PPM1G: variants seen among roughly 807,000 people sequenced by gnomAD.
PPM1G encodes protein phosphatase 1G.
PPM1G carries 12 observed loss-of-function variants against 59.4 expected under a neutral mutation model. That is an observed-to-expected ratio of 0.20 (90% CI 0.13 to 0.33). The LOEUF (loss-of-function observed/expected upper bound fraction) is 0.33. PPM1G is among the 10% of genes least tolerant of loss of function. PPM1G has a pLI of 1.00. For missense variants in PPM1G, 392 were observed against 681.3 expected (o/e 0.58, Z 4.73); for synonymous variants, 245 against 251.9 (o/e 0.97, Z 0.26).
intron 1 of PPM1G, among the ~76,000 whole-genome samples, chr2:27,392,092 CA>C (rs76478913): frequency 2.1e-3 from 284 of 135,060 alleles, no homozygotes; most frequent in Middle Eastern, 3.7e-3. Flanking sequence ...CAGCAGTCTG[CA>C]AAAAAAAAAA....
intron 1 of PPM1G, among the ~76,000 whole-genome samples, chr2:27,392,302 T>G (rs12478779): frequency 0.39 from 55,979 of 144,036 alleles, 11,532 homozygotes; most frequent in Admixed American, 0.45. Flanking sequence ...TTTTTTTTTT[T>G]TTTTTTTTGA....
Position 27,385,082 on chromosome 2 carries a change from T to A in PPM1G, c.416A>T (p.Asn139Ile). 6.2e-7 allele frequency: 1 copy of A among 1,601,344 alleles called. No homozygotes were observed. The highest frequency in any genetic ancestry group is 1.1e-5 in the South Asian group (1 of 89,374). The stretch of plus-strand genomic sequence containing the variant: ...TTCATGCAGCAGTGCAGCCTCCTCA[T>A]TGTCCACTGCAGGGAAGAGGCTAAA... Reference protein sequence around the residue: ...EKVADEDDVDNEEAALLHEEA... With the variant: ...EKVADEDDVDIEEAALLHEEA... The change falls in exon 5 of 10, where the codon AAT becomes ATT. Residue 139 changes from asparagine to isoleucine, a missense_variant. Physicochemically the swap from Asn to Ile is moderately radical, Grantham distance 149. Around this residue, in one of 6 missense-constraint regions of PPM1G, gnomAD observed 188 missense variants for 248.8 expected, o/e 0.76. Transcript: ENST00000344034. This position sits in a 1 kb window ranked among gnomAD's most constrained non-coding sequence, Gnocchi z 4.1.
Position 27,383,616 on chromosome 2 carries a change from A to G in PPM1G, c.967-16T>C, listed in dbSNP as rs1259823696. ...CAGAGCCAGGCTTAAGAGGAAGAAA[A>G]GGAGCATCATGGGGGCTTCTGAACA... On this transcript the variant is annotated splice_polypyrimidine_tract_variant and intron_variant, in intron 6 of 9. Coordinates refer to ENST00000344034, the MANE Select transcript of PPM1G (RefSeq NM_177983.3). This position sits in a 1 kb window ranked among gnomAD's most constrained non-coding sequence, Gnocchi z 5.0. 1.9e-6 allele frequency: 3 copies of G among 1,600,722 alleles called. No homozygotes were observed. The Admixed American group carries it at 5.2e-5, about 28-fold the overall frequency.
Position 27,385,916 on chromosome 2 carries a change from A to G in PPM1G, c.277-37T>C. 1 of 1,599,380 alleles carries G rather than the reference A, an allele frequency of 6.3e-7. No homozygotes were observed. Reference sequence around the variant, plus strand: ...CAAAATAGTCTAAGACTAGTACAAAATGAACTCCCTATATACAATCCTGAG... The same window carrying G: ...CAAAATAGTCTAAGACTAGTACAAAGTGAACTCCCTATATACAATCCTGAG... On this transcript the variant is annotated intron_variant, in intron 3 of 9. Coordinates refer to ENST00000344034, the MANE Select transcript of PPM1G (RefSeq NM_177983.3). The surrounding 1 kb of genome is among the most constrained non-coding windows in gnomAD (Gnocchi z 4.1).
At chr2:27,387,029 G>T in intron 2 of PPM1G, 60 bp downstream of exon 2, 1 of 1,351,926 alleles carries the variant, frequency 7.4e-7, no homozygotes, top group Non-Finnish European at 1.1e-6. Context: ...ACCTGTTCTT[G>T]CCCTGGAACG....
chr2:27,406,840 C>T (rs1404581120), intron 1 of PPM1G, among the ~76,000 whole-genome samples: 4 of 152,102 alleles, frequency 2.6e-5, no homozygotes, highest in Admixed American at 1.3e-4. Context: ...CGTTTTACTG[C>T]GAGATGGAAT....
intron 1 of PPM1G, among the ~76,000 whole-genome samples, chr2:27,399,722 A>G (rs1446894489): frequency 6.6e-6 from 1 of 152,214 alleles, no homozygotes; most frequent in Non-Finnish European, 1.5e-5. Flanking sequence ...TTATTATAAA[A>G]AAGGTGGATA....
At chr2:27,399,289 A>T (rs1250647127) in intron 1 of PPM1G, among the ~76,000 whole-genome samples, 1 of 152,252 alleles carries the variant, frequency 6.6e-6, no homozygotes, top group East Asian at 1.9e-4. Context: ...ATCAAAAGAC[A>T]AAAAGACAAT....
intron 1 of PPM1G, among the ~76,000 whole-genome samples, chr2:27,388,936 A>C (rs940713128): frequency 5.9e-5 from 9 of 152,076 alleles, no homozygotes; most frequent in African/African-American, 1.2e-4. Flanking sequence ...CATAGCAAAC[A>C]ACCACAGAGG....
intron 1 of PPM1G, among the ~76,000 whole-genome samples, chr2:27,409,082 T>C (rs116269247): frequency 0.021 from 3,187 of 152,196 alleles, 125 homozygotes; most frequent in African/African-American, 0.073. Context: ...TCTTCCCACA[T>C]GGCCGAGCCC....
rs1465834379 is a variant in PPM1G at position 27,385,571 on chromosome 2, T to G, written c.409+176A>C. On this transcript the variant is annotated intron_variant, in intron 4 of 9. Transcript: ENST00000344034. This position sits in a 1 kb window ranked among gnomAD's most constrained non-coding sequence, Gnocchi z 4.1. ...CAGCTCAGATGCCACTCAACGAAGA[T>G]AATTCTCTCCCTCCTTTTCATAACC... The G allele has an allele frequency of 3.9e-6, 3 of 778,740 alleles. No individual in the cohort carries two copies. Among genetic ancestry groups the G allele is most frequent in the Non-Finnish European group, 5.9e-6 (3 of 511,030 alleles). 48.2% of individuals were successfully genotyped at this position (778,740 alleles called of 1,614,324 possible).
chr2:27,395,284 C>T (rs1219745072), intron 1 of PPM1G, among the ~76,000 whole-genome samples: 1 of 149,792 alleles, frequency 6.7e-6, no homozygotes, highest in African/African-American at 2.5e-5. Flanking sequence ...TTAATTCTAG[C>T]ACCTTGGGAG....
chr2:27,387,461 G>A (rs975853667), intron 1 of PPM1G, among the ~76,000 whole-genome samples: 5 of 152,066 alleles, frequency 3.3e-5, no homozygotes, highest in Non-Finnish European at 5.9e-5. Context: ...TGACCCTTTT[G>A]GATCTGTGGA....
At chr2:27,393,125 G>T in intron 1 of PPM1G, 2 of 1,339,644 alleles carry the variant, frequency 1.5e-6, no homozygotes, top group Non-Finnish European at 2.1e-6. Context: ...CCTGAAGGAA[G>T]ATTCGGCCAC....
intron 2 of PPM1G, 28 bp from the exon 3 acceptor site, chr2:27,386,307 G>A (rs1048913531): frequency 4.0e-6 from 6 of 1,487,118 alleles, no homozygotes; most frequent in Non-Finnish European, 5.6e-6. Context: ...AAGGTCACCT[G>A]GAGCACTGCT....
At chr2:27,386,531 G>C (rs1683767940) in intron 2 of PPM1G, 2 of 287,228 alleles carry the variant, frequency 7.0e-6, no homozygotes, top group South Asian at 1.1e-4. Context: ...GTGAAAAAAA[G>C]ATAAAGAATC....
chr2:27,404,706 A>C (rs1363809725), intron 1 of PPM1G, among the ~76,000 whole-genome samples: 1 of 152,078 alleles, frequency 6.6e-6, no homozygotes, highest in Admixed American at 6.6e-5. Flanking sequence ...GCACTTTGGG[A>C]GGCCGAGGCG....
Position 27,384,230 on chromosome 2 carries a change from T to C in PPM1G, c.826-138A>G, listed in dbSNP as rs1683709051. On this transcript the variant is annotated intron_variant, in intron 5 of 9. Transcript: ENST00000344034. This position sits in a 1 kb window ranked among gnomAD's most constrained non-coding sequence, Gnocchi z 4.8. ...AGATACAAGTATATGGTCATGAAAA[T>C]TGGGGGGATGGAAAGGGCTAGCATG... 6 of 1,428,450 alleles carry C rather than the reference T, an allele frequency of 4.2e-6. No individual in the cohort carries two copies. Among genetic ancestry groups the C allele is most frequent in the Middle Eastern group, 2.3e-4 (1 of 4,370 alleles). The allele number at this position is 1,428,450 out of a possible 1,614,324, so 88.5% of individuals were successfully genotyped here.
chr2:27,407,157 G>A (rs150989227), intron 1 of PPM1G, among the ~76,000 whole-genome samples: 1 of 151,900 alleles, frequency 6.6e-6, no homozygotes, highest in African/African-American at 2.4e-5. Context: ...ATAAAGACGG[G>A]GTTTCTTCAT....
Sources: allele counts gnomAD v4.1 joint callset (sites outside exome capture counted in the v4.1 genomes callset), GRCh38; gene constraint gnomAD v4.1.1; regional missense constraint gnomAD v4.1.1; non-coding constraint Gnocchi (gnomAD v3.1); transcripts MANE v1.5; gene names NCBI Gene and HGNC (gene_info 2026-07-23, HGNC 2026-07-21).